The following ZNF695 variants were observed in gnomAD, a reference collection of about 807,000 sequenced individuals.
ZNF695 encodes the protein zinc finger protein SBZF3.
Under a neutral mutation model 11.2 loss-of-function variants are expected in ZNF695, and 11 were observed. That is an observed-to-expected ratio of 0.98 (90% CI 0.62 to 1.62). ZNF695 has a LOEUF of 1.62. ZNF695 is among the 40% of genes most tolerant of loss of function. The pLI is 0.00. For synonymous variants in ZNF695, 190 were observed against 201.4 expected (o/e 0.94, Z 0.48); for missense variants, 559 against 590.5 (o/e 0.95, Z 0.55).
rs140131705 is a variant in ZNF695 at position 246,958,761 on chromosome 1, T to C, written c.488+8934A>G. Among the ~76,000 whole-genome samples, 33 of 152,304 alleles carry C rather than the reference T, an allele frequency of 2.2e-4. No homozygotes were observed. The East Asian group carries it at 6.2e-3, about 29-fold the overall frequency. ...GCGAGATAATACACGATGTAACGCA[T>C]GATTGTTGTACTTTAAGCCACCCCA... On this transcript the variant is annotated intron_variant, in intron 5 of 5. Coordinates refer to the ZNF695 transcript ENST00000487338.
At chr1:246,947,791 G>T (rs1205309431) in intron 5 of ZNF695, among the ~76,000 whole-genome samples, 1 of 152,160 alleles carries the variant, frequency 6.6e-6, no homozygotes, top group Non-Finnish European at 1.5e-5. Context: ...TCACCTCCAT[G>T]AATTACCATG....
intron 3 of ZNF695, among the ~76,000 whole-genome samples, chr1:246,989,900 C>T (rs1428465536): frequency 2.0e-5 from 3 of 152,090 alleles, no homozygotes; most frequent in Non-Finnish European, 4.4e-5. Flanking sequence ...ACCTGAGAGG[C>T]TGAGGTGGGA....
At chr1:247,000,292 G>A (rs905419787) in intron 1 of ZNF695, among the ~76,000 whole-genome samples, 1 of 152,090 alleles carries the variant, frequency 6.6e-6, no homozygotes, top group Admixed American at 6.6e-5. Context: ...GGATCACCAG[G>A]TCAGGAGTTC....
At chr1:247,003,441 C>T (rs2642956) in intron 1 of ZNF695, among the ~76,000 whole-genome samples, 3 of 151,914 alleles carry the variant, frequency 2.0e-5, no homozygotes, top group African/African-American at 4.8e-5. Flanking sequence ...ACACTAGGGC[C>T]GACTTTAGAG....
At chr1:246,966,850 T>G (rs148567711) in intron 5 of ZNF695, 1 of 456,828 alleles carries the variant, frequency 2.2e-6, no homozygotes, top group Non-Finnish European at 4.4e-6. Flanking sequence ...AAGGTTTTAC[T>G]CTAAGTGAGA....
intron 1 of ZNF695, among the ~76,000 whole-genome samples, chr1:247,005,771 A>G (rs1328468515): frequency 6.6e-6 from 1 of 152,196 alleles, no homozygotes; most frequent in Non-Finnish European, 1.5e-5. Context: ...ATCAAAATGG[A>G]TTAAAGACGT....
intron 4 of ZNF695, among the ~76,000 whole-genome samples, chr1:246,973,072 G>A (rs1235615462): frequency 2.0e-5 from 3 of 148,388 alleles, no homozygotes; most frequent in South Asian, 2.1e-4. Context: ...ATTTTGAGAC[G>A]GAGTTTCACT....
intron 4 of ZNF695, among the ~76,000 whole-genome samples, chr1:246,972,215 C>T (rs1188063002): frequency 6.6e-6 from 1 of 152,168 alleles, no homozygotes; most frequent in African/African-American, 2.4e-5. Context: ...ACCAGGCCTC[C>T]TAGGTCACCT....
intron 4 of ZNF695, among the ~76,000 whole-genome samples, chr1:246,972,931 G>A (rs1168519995): frequency 4.8e-5 from 7 of 145,144 alleles, no homozygotes; most frequent in African/African-American, 7.5e-5. Context: ...TTTTTAATGT[G>A]TATATATATA....
intron 4 of ZNF695, chr1:246,968,256 G>A (rs1668337956): frequency 6.6e-6 from 1 of 152,184 alleles, no homozygotes; most frequent in African/African-American, 2.4e-5. Flanking sequence ...CAAAACAAAG[G>A]GGTTACAGGC....
exon 6 of ZNF695, chr1:246,945,755 C>G (rs1275303436): frequency 1.3e-6 from 2 of 1,550,104 alleles, no homozygotes; most frequent in Admixed American, 3.9e-5. Context: ...GCAGGGAGTC[C>G]AGGCACTGTG....
Position 246,987,137 on chromosome 1 carries a change from C to T in ZNF695, c.1378G>A (p.Gly460Arg), listed in dbSNP as rs1369739320. ...YLTNHKRIHTGEKPYKCEECG... is the reference protein window; with the variant it reads ...YLTNHKRIHTREKPYKCEECG... ...TCTTCACATTTGTAGGGTTTCTCTCCAGTATGAATTCTCTTATGATTAGTA... is the reference window on the plus strand; with the variant it reads ...TCTTCACATTTGTAGGGTTTCTCTCTAGTATGAATTCTCTTATGATTAGTA... Residue 460 changes from glycine (G) to arginine (R), a missense_variant, in exon 4 of 4, where the codon GGA becomes AGA. Coordinates refer to ENST00000339986, the MANE Select transcript of ZNF695 (RefSeq NM_020394.5). 5 of 1,613,666 alleles carry T rather than the reference C, an allele frequency of 3.1e-6. No homozygotes were observed. The highest frequency in any genetic ancestry group is 2.2e-5 in the East Asian group (1 of 44,824).
intron 4 of ZNF695, among the ~76,000 whole-genome samples, chr1:246,977,856 C>T (rs975864877): frequency 4.6e-5 from 7 of 152,198 alleles, no homozygotes; most frequent in African/African-American, 9.6e-5. Flanking sequence ...CTGAAATGGT[C>T]TACACCTGGT....
chr1:246,966,682 A>G (rs1345132625), intron 5 of ZNF695: 1 of 428,286 alleles, frequency 2.3e-6, no homozygotes, highest in East Asian at 7.1e-5. Flanking sequence ...GCTACCCAAG[A>G]GGCTAAGGTG....
Position 246,987,573 on chromosome 1 carries a change from G to T in ZNF695, c.942C>A (p.His314Gln). 1 of 1,596,216 alleles carries T rather than the reference G, an allele frequency of 6.3e-7. No individual in the cohort carries two copies. Among genetic ancestry groups the T allele is most frequent in the Non-Finnish European group, 8.5e-7 (1 of 1,173,256 alleles). ...SFKLFPYLTQ[H>Q]KRIHSREKPY... ...GTTTCTCTCTACTATGAATTCTCTT[G>T]TGTTGAGTAAGGTATGGGAACAACT... is the stretch of plus-strand genomic sequence containing the variant. Residue 314 changes from histidine to glutamine, a missense_variant, in exon 4 of 4, where the codon CAC becomes CAA. His to Gln is a conservative substitution (Grantham distance 24). Coordinates refer to ENST00000339986, the MANE Select transcript of ZNF695 (RefSeq NM_020394.5).
At chr1:246,960,572 C>A (rs541388077) in intron 5 of ZNF695, among the ~76,000 whole-genome samples, 41 of 152,270 alleles carry the variant, frequency 2.7e-4, no homozygotes, top group African/African-American at 9.4e-4. Context: ...CCATGCAAGA[C>A]AAGTTCTTTT....
At chr1:246,979,192 C>T (rs967340778) in intron 4 of ZNF695, among the ~76,000 whole-genome samples, 1 of 152,154 alleles carries the variant, frequency 6.6e-6, no homozygotes, top group African/African-American at 2.4e-5. Flanking sequence ...GGAGGAAACA[C>T]TGAGATCCAC....
intron 3 of ZNF695, among the ~76,000 whole-genome samples, chr1:246,998,524 A>G (rs895068341): frequency 6.6e-6 from 1 of 152,190 alleles, no homozygotes; most frequent in African/African-American, 2.4e-5. Context: ...ATTACTATCA[A>G]TTTCTGTAGA....
At chr1:247,006,708 C>T (rs1008135034) in intron 1 of ZNF695, among the ~76,000 whole-genome samples, 2 of 152,236 alleles carry the variant, frequency 1.3e-5, no homozygotes, top group Non-Finnish European at 2.9e-5. Context: ...AGAAAAGAAA[C>T]TGGAAACAAG....
Sources: gnomAD v4.1 joint callset for allele counts (sites outside exome capture counted in the v4.1 genomes callset) on GRCh38, gnomAD v4.1.1 for gene constraint, MANE v1.5 for transcripts, NCBI Gene and HGNC (gene_info 2026-07-23, HGNC 2026-07-21) for gene names.